Variants in ROR2 observed in about 807,000 individuals in gnomAD.
ROR2 encodes the protein tyrosine-protein kinase transmembrane receptor ROR2.
A neutral mutation model predicts 74.9 loss-of-function variants in ROR2; 33 were observed. The observed-to-expected ratio is 0.44, with a 90% CI of 0.33 to 0.59. The LOEUF (loss-of-function observed/expected upper bound fraction) is 0.59. Among genes scored for constraint, ROR2 ranks in the 20% least tolerant of loss-of-function variants. ROR2 has a pLI of 0.02. For missense variants in ROR2, 1,216 were observed against 1,313.8 expected (o/e 0.93, Z 1.15); for synonymous variants, 586 against 558.7 (o/e 1.05, Z -0.69).
At chr9:91,739,457 G>A (rs2118739545) in intron 4 of ROR2, among the ~76,000 whole-genome samples, 1 of 141,590 alleles carries the variant, frequency 7.1e-6, no homozygotes, top group Admixed American at 7.6e-5. Context: ...AGTGAGCCGA[G>A]ATCAAACTAC....
intron 1 of ROR2, among the ~76,000 whole-genome samples, chr9:91,840,653 G>A (rs187305447): frequency 4.6e-5 from 7 of 152,166 alleles, no homozygotes; most frequent in Non-Finnish European, 8.8e-5. Flanking sequence ...TCTGCCCAGC[G>A]CACAGGGAAT....
At chr9:91,845,877 C>CAAAAAAAAAAAAAAAAAAAA (rs5899143) in intron 1 of ROR2, among the ~76,000 whole-genome samples, 3 of 33,900 alleles carry the variant, frequency 8.8e-5, no homozygotes, top group African/African-American at 1.5e-4. Context: ...GAATCCATCT[C>CAAAAAAAAAAAAAAAAAAAA]AAAAAAAAAA....
At chr9:91,935,704 C>A (rs139548492) in intron 1 of ROR2, among the ~76,000 whole-genome samples, 2 of 152,206 alleles carry the variant, frequency 1.3e-5, no homozygotes, top group Non-Finnish European at 2.9e-5. Context: ...CACCCACCCC[C>A]GGAGAGCTGC....
intron 1 of ROR2, among the ~76,000 whole-genome samples, chr9:91,804,855 CTT>C (rs1827499019): frequency 6.6e-6 from 1 of 152,198 alleles, no homozygotes; most frequent in Admixed American, 6.5e-5. Flanking sequence ...CATTCAAACG[CTT>C]CATTCTACTA....
intron 1 of ROR2, among the ~76,000 whole-genome samples, chr9:91,812,881 T>C (rs986668237): frequency 2.6e-5 from 4 of 152,200 alleles, no homozygotes; most frequent in African/African-American, 4.8e-5. Context: ...CTGAAAGCCA[T>C]AGCATTAGGC....
chr9:91,922,928 A>C (rs7853136), intron 1 of ROR2, among the ~76,000 whole-genome samples: 70,709 of 151,208 alleles, frequency 0.47, 19,152 homozygotes, highest in African/African-American at 0.74. Context: ...CCTGCCTCTC[A>C]AAGCCCTGTC....
intron 2 of ROR2, among the ~76,000 whole-genome samples, chr9:91,768,588 C>T (rs1197004897): frequency 6.6e-6 from 1 of 152,192 alleles, no homozygotes; most frequent in East Asian, 1.9e-4. Context: ...GGGAAACGGC[C>T]GCCCACCATA....
Position 91,730,903 on chromosome 9 carries a change from T to G in ROR2, c.1183+7A>C. On this transcript the variant is annotated splice_region_variant and intron_variant, in intron 7 of 8. Coordinates refer to ENST00000375708, the MANE Select transcript of ROR2 (RefSeq NM_004560.4). ...ACACATTAAAAAAAGAGAGAGAGAA[T>G]ACATACTACACGAGGGTACGTCACA... 6.2e-7 allele frequency: 1 copy of G among 1,613,998 alleles called. No individual in the cohort carries two copies. The highest frequency in any genetic ancestry group is 8.5e-7 in the Non-Finnish European group (1 of 1,179,984).
At chr9:91,873,519 C>T (rs1449750345) in intron 1 of ROR2, among the ~76,000 whole-genome samples, 9 of 152,108 alleles carry the variant, frequency 5.9e-5, no homozygotes, top group South Asian at 2.1e-4. Flanking sequence ...ACCCGGGAGG[C>T]GGAGGTTGCA....
chr9:91,887,162 C>T (rs113133020), intron 1 of ROR2: 4 of 152,302 alleles, frequency 2.6e-5, no homozygotes, highest in African/African-American at 9.6e-5. Flanking sequence ...TTGAGAGTTC[C>T]ATTTCTAACA....
At chr9:91,792,846 G>C (rs142648484) in intron 1 of ROR2, among the ~76,000 whole-genome samples, 1 of 152,186 alleles carries the variant, frequency 6.6e-6, no homozygotes, top group African/African-American at 2.4e-5. Flanking sequence ...TGAAGACACA[G>C]AAAATCTATA....
Position 91,818,272 on chromosome 9 carries a change from C to T in ROR2, c.98-42454G>A, listed in dbSNP as rs568583166. On this transcript the variant is annotated intron_variant, in intron 1 of 8. Coordinates refer to ENST00000375708, the MANE Select transcript of ROR2 (RefSeq NM_004560.4). The stretch of plus-strand genomic sequence containing the variant: ...TTAGTAACTTCTAAGATGACAGATT[C>T]CTATTCTTTGATATGCAAGGCTAAA... Among the ~76,000 whole-genome samples, 6 of 152,310 alleles carry T rather than the reference C, an allele frequency of 3.9e-5. No individual in the cohort carries two copies. The South Asian group carries it at 1.0e-3, about 26-fold the overall frequency.
At chr9:91,857,840 T>A (rs909222340) in intron 1 of ROR2, among the ~76,000 whole-genome samples, 1 of 152,188 alleles carries the variant, frequency 6.6e-6, no homozygotes, top group African/African-American at 2.4e-5. Context: ...GAACGGAGTA[T>A]TTAGCGCTCT....
chr9:91,863,278 G>A (rs28802998), intron 1 of ROR2, among the ~76,000 whole-genome samples: 17,756 of 152,144 alleles, frequency 0.12, 2,264 homozygotes, highest in African/African-American at 0.32. Flanking sequence ...CTCCCGCCTT[G>A]GTCCCCCGAA....
rs1016479276 is a variant in ROR2, at chr9:91,724,017, G to T, written c.2477C>A (p.Pro826Gln). 7.4e-6 allele frequency: 12 copies of T among 1,612,402 alleles called. No homozygotes were observed. The highest frequency in any genetic ancestry group is 1.6e-4 in the Middle Eastern group (1 of 6,084). The change falls in exon 9 of 9, where the codon CCG (proline) becomes CAG (glutamine). Residue 826 changes from proline to glutamine, a missense_variant. By Grantham distance (76) the Pro-to-Gln change is moderately conservative. Coordinates refer to ENST00000375708, the MANE Select transcript of ROR2 (RefSeq NM_004560.4). Reference sequence around the variant, plus strand: ...CAGGTAGGCCCCATAGGCCGGCACCGGCTGGTAGCCGTTGACGGGGACGTA... The same window carrying T: ...CAGGTAGGCCCCATAGGCCGGCACCTGCTGGTAGCCGTTGACGGGGACGTA... The part of the protein sequence containing the change: ...QLYVPVNGYQ[P>Q]VPAYGAYLPN...
At chr9:91,911,413 T>A (rs1420412529) in intron 1 of ROR2, among the ~76,000 whole-genome samples, 2 of 152,232 alleles carry the variant, frequency 1.3e-5, no homozygotes, top group African/African-American at 2.4e-5. Context: ...TATCTGTGTA[T>A]CTAAACATCT....
intron 1 of ROR2, among the ~76,000 whole-genome samples, chr9:91,821,354 T>A (rs1289195414): frequency 6.6e-6 from 1 of 152,190 alleles, no homozygotes; most frequent in African/African-American, 2.4e-5. Flanking sequence ...TAGGCATGCA[T>A]TGCTTCGTTA....
At chr9:91,793,533 C>A (rs546550698) in intron 1 of ROR2, among the ~76,000 whole-genome samples, 3 of 151,846 alleles carry the variant, frequency 2.0e-5, no homozygotes, top group Non-Finnish European at 2.9e-5. Context: ...GAGGCTGGTG[C>A]GGGTGGATCA....
rs1343132416 is a variant in ROR2, at chr9:91,905,293, C to T, written c.97+44574G>A. Reference sequence around the variant, plus strand: ...CCACACAAATTCAGCACACACAATACCACACACCAGACACACCACACACAT... The same window carrying T: ...CCACACAAATTCAGCACACACAATATCACACACCAGACACACCACACACAT... On this transcript the variant is annotated intron_variant, in intron 1 of 8. Coordinates refer to ENST00000375708, the MANE Select transcript of ROR2 (RefSeq NM_004560.4). This position sits in a 1 kb window ranked among gnomAD's most constrained non-coding sequence, Gnocchi z 5.3. 6.6e-6 allele frequency among the ~76,000 whole-genome samples: 1 copy of T among 151,054 alleles called. No individual in the cohort carries two copies. The highest frequency in any genetic ancestry group is 1.5e-5 in the Non-Finnish European group (1 of 67,718).
Sources: allele counts gnomAD v4.1 joint callset (sites outside exome capture counted in the v4.1 genomes callset), GRCh38; gene constraint gnomAD v4.1.1; non-coding constraint Gnocchi (gnomAD v3.1); transcripts MANE v1.5; gene names NCBI Gene and HGNC (gene_info 2026-07-23, HGNC 2026-07-21).